The following CDK7 variants were observed in gnomAD, a reference collection of about 807,000 sequenced individuals.
CDK7 encodes the protein cyclin-dependent kinase 7.
Under a neutral mutation model 49.1 loss-of-function variants are expected in CDK7, and 25 were observed. The observed-to-expected ratio is 0.51, with a 90% CI of 0.37 to 0.71. The LOEUF (loss-of-function observed/expected upper bound fraction) is 0.71. Ranked by LOEUF, CDK7 falls within the 30% of genes least tolerant of loss-of-function variation. The pLI is 0.00. For synonymous variants in CDK7, 107 were observed against 140.0 expected (o/e 0.76, Z 1.67); for missense variants, 316 against 411.7 (o/e 0.77, Z 2.01).
intron 2 of CDK7, chr5:69,250,711 C>T (rs1305742428): frequency 2.2e-6 from 1 of 456,562 alleles, no homozygotes; most frequent in African/African-American, 2.0e-5. Flanking sequence ...AAGACAGAAT[C>T]TCCTTTACTC....
At chr5:69,268,080 C>T (rs894696012) in intron 8 of CDK7, among the ~76,000 whole-genome samples, 1 of 152,166 alleles carries the variant, frequency 6.6e-6, no homozygotes, top group Non-Finnish European at 1.5e-5. Context: ...CCTGCCTCAG[C>T]CTCCTGAGGA....
intron 6 of CDK7, 27 bp downstream of exon 6, chr5:69,258,180 T>A: frequency 9.2e-7 from 1 of 1,090,942 alleles, no homozygotes. Context: ...TGCTTCTTTA[T>A]ACTAGTCAAG....
At chr5:69,235,209 A>T in intron 1 of CDK7, 168 bp downstream of exon 1, 2 of 760,692 alleles carry the variant, frequency 2.6e-6, no homozygotes, top group Non-Finnish European at 4.5e-6. Context: ...CTGGGGGTGA[A>T]TCCCTGAGGG....
intron 3 of CDK7, 81 bp from the exon 4 acceptor site, chr5:69,254,521 C>CAAAAA (rs35239844): frequency 1.4e-4 from 69 of 478,574 alleles, no homozygotes; most frequent in African/African-American, 2.8e-4. Flanking sequence ...GACTCCATCT[C>CAAAAA]AAAAAAAAAA....
At chr5:69,245,401 G>A (rs1279445890) in intron 2 of CDK7, among the ~76,000 whole-genome samples, 2 of 149,924 alleles carry the variant, frequency 1.3e-5, no homozygotes, top group Admixed American at 1.3e-4. Flanking sequence ...GAGTGCAGTG[G>A]CGTCATCTCA....
chr5:69,266,008 A>G (rs1270930912), intron 8 of CDK7, among the ~76,000 whole-genome samples: 3 of 152,016 alleles, frequency 2.0e-5, no homozygotes, highest in African/African-American at 4.8e-5. Context: ...GGATTGCTTG[A>G]GCCTGGTTGT....
intron 8 of CDK7, among the ~76,000 whole-genome samples, chr5:69,265,052 AG>A (rs1751056062): frequency 6.6e-6 from 1 of 151,986 alleles, no homozygotes; most frequent in Non-Finnish European, 1.5e-5. Context: ...TCACGAGGTG[AG>A]GAGATAGAGA....
At chr5:69,235,194 A>AC (rs766864334) in intron 1 of CDK7, 153 bp downstream of exon 1, 36 of 793,164 alleles carry the variant, frequency 4.5e-5, no homozygotes, top group Non-Finnish European at 7.4e-5. Flanking sequence ...CCCATTCTTT[A>AC]CATCCTGGGG....
chr5:69,254,217 C>T (rs537899006), intron 3 of CDK7, among the ~76,000 whole-genome samples: 1 of 151,888 alleles, frequency 6.6e-6, no homozygotes, highest in Non-Finnish European at 1.5e-5. Flanking sequence ...AGATTACTAA[C>T]CTTTCTTTAA....
intron 9 of CDK7, 67 bp from the exon 10 acceptor site, chr5:69,272,825 G>T: frequency 9.8e-7 from 1 of 1,015,480 alleles, no homozygotes; most frequent in South Asian, 2.6e-5. Flanking sequence ...ACCTGAAAAT[G>T]ATTTATTTCA....
intron 3 of CDK7, among the ~76,000 whole-genome samples, chr5:69,253,422 G>A (rs1046724610): frequency 2.6e-5 from 4 of 151,972 alleles, no homozygotes; most frequent in Non-Finnish European, 4.4e-5. Context: ...ACACCACCAT[G>A]CCCAGCCAAT....
chr5:69,269,172 C>G, intron 8 of CDK7, 35 bp from the exon 9 acceptor site: 1 of 1,360,106 alleles, frequency 7.4e-7, no homozygotes, highest in Non-Finnish European at 1.0e-6. Flanking sequence ...AAAAAAAAAC[C>G]CACCTTGAAA....
At chr5:69,253,775 G>A (rs1750303496) in intron 3 of CDK7, among the ~76,000 whole-genome samples, 1 of 152,204 alleles carries the variant, frequency 6.6e-6, no homozygotes, top group Non-Finnish European at 1.5e-5. Context: ...TTCACCATTT[G>A]TCGTAGTCTT....
chr5:69,273,048 T>G lies in CDK7; in HGVS notation c.864+7T>G. The G allele has an allele frequency of 6.6e-7, 1 of 1,504,596 alleles. No individual in the cohort carries two copies. The highest frequency in any genetic ancestry group is 1.4e-5 in the African/African-American group (1 of 72,410). 93.2% of individuals were successfully genotyped at this position (1,504,596 alleles called of 1,614,324 possible). ...TCGAATTACGGCCACACAGGTATTT[T>G]GGTGTATCTTTTTTATACTAGGAAA... On this transcript the variant is annotated splice_region_variant and intron_variant, in intron 10 of 11. Coordinates refer to ENST00000256443, the MANE Select transcript of CDK7 (RefSeq NM_001799.4).
chr5:69,240,843 T>C (rs1749320129), intron 2 of CDK7, among the ~76,000 whole-genome samples: 1 of 152,148 alleles, frequency 6.6e-6, no homozygotes, highest in African/African-American at 2.4e-5. Flanking sequence ...ACCAGGATGG[T>C]CTCTATCTCC....
At chr5:69,236,954 C>CTT (rs4053029) in intron 2 of CDK7, among the ~76,000 whole-genome samples, 3,837 of 84,046 alleles carry the variant, frequency 0.046, 93 homozygotes, top group East Asian at 0.16. Context: ...GCCTGGCCTT[C>CTT]TTTTTTTTTT....
At chr5:69,235,097 C>T (rs1748862829) in intron 1 of CDK7, 56 bp downstream of exon 1, 4 of 1,515,994 alleles carry the variant, frequency 2.6e-6, no homozygotes, top group Non-Finnish European at 3.6e-6. Context: ...CGCGCCGCCT[C>T]CACCTTTGCG....
rs750011856 is a variant in CDK7, at chr5:69,277,137, G to C, written c.*2G>C. 1.3e-5 allele frequency: 20 copies of C among 1,596,942 alleles called. No homozygotes were observed. Among genetic ancestry groups the C allele is most frequent in the Non-Finnish European group, 1.6e-5 (19 of 1,172,890 alleles). On this transcript the variant is annotated 3_prime_UTR_variant, in exon 12 of 12. Coordinates refer to ENST00000256443, the MANE Select transcript of CDK7 (RefSeq NM_001799.4). ...TTGCCCAAGAAACTAATTTTTTAAA[G>C]AGAACACTGGACAACATTTTACTAC...
chr5:69,275,610 C>T (rs761259662), intron 10 of CDK7, among the ~76,000 whole-genome samples: 55 of 152,130 alleles, frequency 3.6e-4, no homozygotes, highest in Non-Finnish European at 7.2e-4. Flanking sequence ...AAATTCTACA[C>T]ATAAGGACAT....
Sources: allele counts gnomAD v4.1 joint callset (sites outside exome capture counted in the v4.1 genomes callset), GRCh38; gene constraint gnomAD v4.1.1; transcripts MANE v1.5; gene names NCBI Gene and HGNC (gene_info 2026-07-23, HGNC 2026-07-21).